The following SLC35F4 variants were observed in gnomAD, a reference collection of about 807,000 sequenced individuals.
SLC35F4 encodes the protein chromosome 14 open reading frame 36.
A neutral mutation model predicts 44.2 loss-of-function variants in SLC35F4; 24 were observed. The observed-to-expected ratio is 0.54, with a 90% CI of 0.39 to 0.76. The LOEUF (loss-of-function observed/expected upper bound fraction) is 0.76, where lower values mean the gene tolerates loss of function less well. Among genes scored for constraint, SLC35F4 ranks in the 30% least tolerant of loss-of-function variants. The probability of loss-of-function intolerance (pLI) is 0.00; values close to 1 mark genes in which losing one functional copy is unlikely to be tolerated. For missense variants in SLC35F4, 562 were observed against 586.1 expected (o/e 0.96, Z 0.42); for synonymous variants, 238 against 223.6 (o/e 1.06, Z -0.57).
chr14:57,783,642 C>T lies in SLC35F4; in HGVS notation c.103+82081G>A, dbSNP rs1045582705. On this transcript the variant is annotated intron_variant, in intron 1 of 7. Transcript: ENST00000556826. The stretch of plus-strand genomic sequence containing the variant: ...CAATAAGAACCATTTTTCTGGGTTG[C>T]TCCATTGATGCTTTGTCTCTGAAGT... Among the ~76,000 whole-genome samples, 117 of 152,314 alleles carry T rather than the reference C, an allele frequency of 7.7e-4. 1 individual carries two copies. The highest frequency in any genetic ancestry group is 7.6e-3 in the Admixed American group (116 of 15,294).
chr14:57,795,373 G>C (rs1191754766), intron 1 of SLC35F4, among the ~76,000 whole-genome samples: 1 of 152,100 alleles, frequency 6.6e-6, no homozygotes, highest in Non-Finnish European at 1.5e-5. Context: ...CACTTATTTA[G>C]GAACCATTCA....
chr14:57,844,756 T>C (rs1885842267), intron 1 of SLC35F4, among the ~76,000 whole-genome samples: 1 of 152,174 alleles, frequency 6.6e-6, no homozygotes, highest in Admixed American at 6.5e-5. Flanking sequence ...GATATCCAGG[T>C]ACCTCGAAGG....
At chr14:57,956,404 C>A (rs981659326) in intron 1 of SLC35F4, among the ~76,000 whole-genome samples, 3 of 152,048 alleles carry the variant, frequency 2.0e-5, no homozygotes, top group Admixed American at 6.6e-5. Flanking sequence ...TCTAAAATAC[C>A]AAAAGCAATG....
intron 1 of SLC35F4, among the ~76,000 whole-genome samples, chr14:57,723,841 A>G (rs1472875770): frequency 6.6e-6 from 1 of 152,130 alleles, no homozygotes; most frequent in East Asian, 1.9e-4. Context: ...TGCTGATTGG[A>G]TCTAGTGAGC....
At chr14:57,751,676 A>C (rs1285978508) in intron 1 of SLC35F4, among the ~76,000 whole-genome samples, 1 of 152,210 alleles carries the variant, frequency 6.6e-6, no homozygotes, top group Admixed American at 6.5e-5. Context: ...GTGTACAAAG[A>C]AAGCAAGCTA....
intron 1 of SLC35F4, among the ~76,000 whole-genome samples, chr14:57,617,345 T>A (rs1408635368): frequency 6.6e-6 from 1 of 151,884 alleles, no homozygotes; most frequent in African/African-American, 2.4e-5. Context: ...TTAGCCAGGA[T>A]GGTCTCGATC....
chr14:57,696,371 C>T (rs1357588089), intron 1 of SLC35F4, among the ~76,000 whole-genome samples: 1 of 152,112 alleles, frequency 6.6e-6, no homozygotes, highest in East Asian at 1.9e-4. Flanking sequence ...AATGAGATAC[C>T]ATCTCACACC....
chr14:57,783,361 G>A (rs1180499985), intron 1 of SLC35F4, among the ~76,000 whole-genome samples: 1 of 151,758 alleles, frequency 6.6e-6, no homozygotes, highest in African/African-American at 2.4e-5. Context: ...ATAACTGTCT[G>A]AACACGTTTA....
At chr14:57,774,731 T>C (rs2077447284) in intron 1 of SLC35F4, among the ~76,000 whole-genome samples, 1 of 152,132 alleles carries the variant, frequency 6.6e-6, no homozygotes. Context: ...AGAATGCCCC[T>C]GCAAACACTC....
At chr14:57,890,617 T>C (rs1888741180) in intron 1 of SLC35F4, among the ~76,000 whole-genome samples, 1 of 152,190 alleles carries the variant, frequency 6.6e-6, no homozygotes, top group Non-Finnish European at 1.5e-5. Context: ...AATCTAGGCC[T>C]CTCTGAAACA....
chr14:57,779,635 T>C lies in SLC35F4; in HGVS notation c.103+86088A>G, dbSNP rs1356521990. Among the ~76,000 whole-genome samples, 4 of 151,946 alleles carry C rather than the reference T, an allele frequency of 2.6e-5. No individual in the cohort carries two copies. The East Asian group carries it at 5.8e-4, about 22-fold the overall frequency. On this transcript the variant is annotated intron_variant, in intron 1 of 7. Transcript: ENST00000556826. ...ATCTGGCAGAGATACAACAAAAAAA[T>C]GAACTTCAGGCCAATATCCTTAATG...
Position 57,895,581 on chromosome 14 carries a change from ACTCT to A in SLC35F4, n.282+86328_282+86331del, listed in dbSNP as rs373339951. ...CTTACCCCTTCTCTCTCGCTCTCTC[ACTCT>A]CTCTCTCTCTCTCTCTCTGTCTCTC... On this transcript the variant is annotated intron_variant and non_coding_transcript_variant, in intron 1 of 1. Coordinates refer to the SLC35F4 transcript ENST00000556568. Among the ~76,000 whole-genome samples, 144 of 131,772 alleles carry A rather than the reference ACTCT, an allele frequency of 1.1e-3. 1 individual carries two copies. In the South Asian group the frequency reaches 0.022, roughly 20 times the overall value. The allele number at this position is 131,772 out of a possible 152,430, so 86.4% of individuals were successfully genotyped here.
chr14:57,877,900 G>C (rs995442769), intron 1 of SLC35F4, among the ~76,000 whole-genome samples: 2 of 151,754 alleles, frequency 1.3e-5, no homozygotes, highest in African/African-American at 4.8e-5. Context: ...GGCCAGGCTG[G>C]TCTTGAACTC....
intron 1 of SLC35F4, among the ~76,000 whole-genome samples, chr14:57,814,473 A>T (rs1476651238): frequency 2.0e-5 from 3 of 152,240 alleles, no homozygotes; most frequent in Non-Finnish European, 4.4e-5. Flanking sequence ...TTTCTTCTCT[A>T]TAGAAAAGGA....
intron 1 of SLC35F4, among the ~76,000 whole-genome samples, chr14:57,693,307 G>T (rs954543060): frequency 6.6e-6 from 1 of 152,096 alleles, no homozygotes; most frequent in Admixed American, 6.6e-5. Context: ...CCCAAAATCT[G>T]GCCATAAATT....
At chr14:57,676,355 T>C (rs576870138) in intron 1 of SLC35F4, among the ~76,000 whole-genome samples, 5 of 152,126 alleles carry the variant, frequency 3.3e-5, no homozygotes, top group Admixed American at 3.3e-4. Context: ...CCACATGTTC[T>C]CACTTATAAA....
chr14:57,630,515 A>T, intron 1 of SLC35F4: 1 of 1,098,200 alleles, frequency 9.1e-7, no homozygotes, highest in East Asian at 2.4e-5. Context: ...CACCAAAACT[A>T]GAGGCACCTC....
chr14:57,836,586 G>A (rs1039967164), intron 1 of SLC35F4, among the ~76,000 whole-genome samples: 2 of 152,006 alleles, frequency 1.3e-5, no homozygotes, highest in African/African-American at 2.4e-5. Context: ...CCACTGCGCC[G>A]GCCTGAAATT....
At chr14:57,923,894 TATCTA>T (rs1314545100) in intron 1 of SLC35F4, among the ~76,000 whole-genome samples, 1 of 152,254 alleles carries the variant, frequency 6.6e-6, no homozygotes, top group Non-Finnish European at 1.5e-5. Flanking sequence ...ACCCAAATCT[TATCTA>T]GAGTTGTAAC....
Sources: allele counts gnomAD v4.1 joint callset (sites outside exome capture counted in the v4.1 genomes callset), GRCh38; gene constraint gnomAD v4.1.1; transcripts MANE v1.5; gene names NCBI Gene and HGNC (gene_info 2026-07-23, HGNC 2026-07-21).